Variants in HNRNPF observed in about 807,000 individuals in gnomAD.
HNRNPF encodes heterogeneous nuclear ribonucleoprotein F, also known as HnRNP F protein.
Under a neutral mutation model 26.0 loss-of-function variants are expected in HNRNPF, and 2 were observed. That is an observed-to-expected ratio of 0.08 (90% confidence interval 0.03 to 0.24). The LOEUF (loss-of-function observed/expected upper bound fraction) is 0.24. HNRNPF is among the 10% of genes least tolerant of loss of function. The pLI is 1.00. For synonymous variants in HNRNPF, 234 were observed against 211.5 expected (o/e 1.11, Z -0.92); for missense variants, 299 against 539.2 (o/e 0.55, Z 4.41).
intron 3 of HNRNPF, among the ~76,000 whole-genome samples, chr10:43,389,744 G>C (rs915638766): frequency 6.6e-6 from 1 of 152,116 alleles, no homozygotes; most frequent in African/African-American, 2.4e-5. Context: ...ATTTACTCAC[G>C]AACTGTGATT....
At chr10:43,395,147 G>A (rs1838428156) in intron 2 of HNRNPF, among the ~76,000 whole-genome samples, 1 of 152,082 alleles carries the variant, frequency 6.6e-6, no homozygotes, top group South Asian at 2.1e-4. Context: ...CAGGGCACTT[G>A]GGAGGGAGAT....
intron 1 of HNRNPF, chr10:43,408,876 T>G (rs915290080): frequency 6.6e-6 from 1 of 152,362 alleles, no homozygotes; most frequent in Non-Finnish European, 1.5e-5. Flanking sequence ...AACCCCCGCC[T>G]GCGAGCACGG....
chr10:43,386,561 T>A lies in HNRNPF; in HGVS notation c.*76A>T. 7.4e-7 allele frequency: 1 copy of A among 1,355,682 alleles called. No homozygotes were observed. The highest frequency in any genetic ancestry group is 9.8e-7 in the Non-Finnish European group (1 of 1,023,162). 84.0% of individuals were successfully genotyped at this position (1,355,682 alleles called of 1,614,324 possible). A position where few individuals can be genotyped will look rare whatever the true frequency, so the allele number is the denominator to read the frequency against. ...GTGCAAAATGGGTCCCCCAGCTTCC[T>A]CTATTATAACTGCTCTTAATTGCTT... On this transcript the variant is annotated 3_prime_UTR_variant, in exon 4 of 4. Coordinates refer to ENST00000682386, the MANE Select transcript of HNRNPF (RefSeq NM_001098204.2).
At chr10:43,402,144 G>A (rs1588999004) in intron 1 of HNRNPF, among the ~76,000 whole-genome samples, 1 of 151,974 alleles carries the variant, frequency 6.6e-6, no homozygotes, top group Non-Finnish European at 1.5e-5. Context: ...AAACTTTCTG[G>A]AACTAAAACT....
intron 1 of HNRNPF, 122 bp from the exon 2 acceptor site, chr10:43,396,712 C>G (rs1838535753): frequency 6.6e-6 from 1 of 152,126 alleles, no homozygotes; most frequent in Admixed American, 6.5e-5. Context: ...CGGCGACGTT[C>G]CCGCGGCCTG....
chr10:43,386,024 G>A lies in HNRNPF; in HGVS notation c.*613C>T, dbSNP rs1838010689. 1 of 152,580 alleles carries A rather than the reference G, an allele frequency of 6.6e-6. No individual in the cohort carries two copies. Among genetic ancestry groups the A allele is most frequent in the Non-Finnish European group, 1.5e-5 (1 of 68,034 alleles). 9.5% of individuals were successfully genotyped at this position (152,580 alleles called of 1,614,324 possible). A position where few individuals can be genotyped will look rare whatever the true frequency, so the allele number is the denominator to read the frequency against. On this transcript the variant is annotated 3_prime_UTR_variant, in exon 4 of 4. Transcript: ENST00000682386. ...TGCTGAGTAATCTGTGCCAGTCATTGTGAAAAAGTCTTTATTTTAAGAAAA... is the reference window on the plus strand; with the variant it reads ...TGCTGAGTAATCTGTGCCAGTCATTATGAAAAAGTCTTTATTTTAAGAAAA...
intron 3 of HNRNPF, among the ~76,000 whole-genome samples, chr10:43,389,210 G>C (rs1838149510): frequency 6.6e-6 from 1 of 152,084 alleles, no homozygotes; most frequent in South Asian, 2.1e-4. Flanking sequence ...GACCTCAGGT[G>C]ATCCGCCCAC....
chr10:43,406,007 A>G (rs1838907071), intron 1 of HNRNPF, among the ~76,000 whole-genome samples: 1 of 152,142 alleles, frequency 6.6e-6, no homozygotes. Flanking sequence ...CCCTGGACAC[A>G]TGACTTCTCC....
intron 1 of HNRNPF, among the ~76,000 whole-genome samples, chr10:43,406,263 T>G (rs537264482): frequency 6.6e-6 from 1 of 152,264 alleles, no homozygotes; most frequent in East Asian, 1.9e-4. Context: ...GGGCTCTCAT[T>G]TGCCTCCAGG....
chr10:43,394,568 A>G (rs1838385952), intron 3 of HNRNPF, 62 bp downstream of exon 3: 1 of 152,228 alleles, frequency 6.6e-6, no homozygotes, highest in South Asian at 2.1e-4. Context: ...CTGCTAAACA[A>G]ATTTGAGTAT....
chr10:43,407,207 G>A (rs2131995299), intron 1 of HNRNPF, among the ~76,000 whole-genome samples: 1 of 151,342 alleles, frequency 6.6e-6, no homozygotes, highest in South Asian at 2.1e-4. Context: ...CGCAGGGCCC[G>A]CCCCGCGCGG....
At chr10:43,403,217 C>T (rs1588999639) in intron 1 of HNRNPF, among the ~76,000 whole-genome samples, 3 of 152,220 alleles carry the variant, frequency 2.0e-5, no homozygotes, top group African/African-American at 7.2e-5. Context: ...GGGGTTTCGC[C>T]ACATTGGCCA....
chr10:43,389,790 TAA>T (rs1363584477), intron 3 of HNRNPF, among the ~76,000 whole-genome samples: 2 of 152,208 alleles, frequency 1.3e-5, no homozygotes, highest in Non-Finnish European at 2.9e-5. Flanking sequence ...ACAGCCTAAC[TAA>T]AAGATGTCAC....
rs540178886 is a variant in HNRNPF, at chr10:43,394,651, C to T, written c.-74G>A. The T allele has an allele frequency of 5.9e-5, 9 of 152,178 alleles. No homozygotes were observed. Among genetic ancestry groups the T allele is most frequent in the African/African-American group, 1.9e-4 (8 of 41,496 alleles). 9.4% of individuals were successfully genotyped at this position (152,178 alleles called of 1,614,324 possible). ...TTACCTTAAAAACAACCACGGATGCCTTCAGTGGGAGACACTTCTGGATGG... is the reference window on the plus strand; with the variant it reads ...TTACCTTAAAAACAACCACGGATGCTTTCAGTGGGAGACACTTCTGGATGG... On this transcript the variant is annotated 5_prime_UTR_variant, in exon 3 of 4. Coordinates refer to ENST00000682386, the MANE Select transcript of HNRNPF (RefSeq NM_001098204.2).
rs545530313 is a variant in HNRNPF, at chr10:43,408,174, G to A, written c.-247+957C>T. Among the ~76,000 whole-genome samples, 3 of 152,240 alleles carry A rather than the reference G, an allele frequency of 2.0e-5. No homozygotes were observed. The South Asian group carries it at 6.2e-4, about 32-fold the overall frequency. ...CTGGGCTCAAGAGATCCTCCCGGCT[G>A]GGCCTCCCACTGCGCCAGGCCTGTT... On this transcript the variant is annotated intron_variant, in intron 1 of 3. Transcript: ENST00000682386.
chr10:43,400,146 G>A (rs779056375), intron 1 of HNRNPF, among the ~76,000 whole-genome samples: 3 of 152,052 alleles, frequency 2.0e-5, no homozygotes, highest in African/African-American at 7.3e-5. Context: ...AAGAGAGTTC[G>A]AGACCAGCCT....
chr10:43,390,324 C>A (rs1212447795), intron 3 of HNRNPF, among the ~76,000 whole-genome samples: 2 of 152,156 alleles, frequency 1.3e-5, no homozygotes, highest in African/African-American at 4.8e-5. Context: ...TTTGACCATA[C>A]CCTGGTCTTG....
chr10:43,406,337 TA>T (rs1275997828), intron 1 of HNRNPF, among the ~76,000 whole-genome samples: 1 of 152,126 alleles, frequency 6.6e-6, no homozygotes, highest in Non-Finnish European at 1.5e-5. Context: ...TTCCCTTAAA[TA>T]AATTCCATTT....
rs142211325 is a variant in HNRNPF, at chr10:43,386,853, A to G, written c.1032T>C (p.Ala344=). The G allele has an allele frequency of 1.9e-6, 3 of 1,614,214 alleles. No individual in the cohort carries two copies. Among genetic ancestry groups the G allele is most frequent in the African/African-American group, 2.7e-5 (2 of 75,060 alleles). ...EFATHEEAVA[A]MSKDRANMQH... ...GCATATTGGCCCTGTCTTTGGACATAGCTGCCACAGCTTCTTCATGAGTAG... is the reference window on the plus strand; with the variant it reads ...GCATATTGGCCCTGTCTTTGGACATGGCTGCCACAGCTTCTTCATGAGTAG... Residue 344 remains alanine (A), a synonymous_variant, in exon 4 of 4, where the codon GCT becomes GCC. Coordinates refer to ENST00000682386, the MANE Select transcript of HNRNPF (RefSeq NM_001098204.2).
Sources: gnomAD v4.1 joint callset for allele counts (sites outside exome capture counted in the v4.1 genomes callset) on GRCh38, gnomAD v4.1.1 for gene constraint, MANE v1.5 for transcripts, NCBI Gene and HGNC (gene_info 2026-07-23, HGNC 2026-07-21) for gene names.